HS6ST3: variants seen among roughly 807,000 people sequenced by gnomAD.
HS6ST3 encodes heparan-sulfate 6-O-sulfotransferase 3.
Under a neutral mutation model 36.7 loss-of-function variants are expected in HS6ST3, and 12 were observed. That is an observed-to-expected ratio of 0.33 (90% confidence interval 0.21 to 0.53). HS6ST3 has a LOEUF of 0.53. Ranked by LOEUF, HS6ST3 falls within the 20% of genes least tolerant of loss-of-function variation. The probability of loss-of-function intolerance (pLI) is 0.95; values close to 1 mark genes in which losing one functional copy is unlikely to be tolerated. For synonymous variants in HS6ST3, 240 were observed against 257.5 expected (o/e 0.93, Z 0.65); for missense variants, 584 against 640.9 (o/e 0.91, Z 0.96).
intron 1 of HS6ST3, among the ~76,000 whole-genome samples, chr13:96,360,521 G>A (rs1925106): frequency 0.84 from 127,345 of 151,832 alleles, 53,747 homozygotes; most frequent in South Asian, 0.91. Context: ...ATCACCCACT[G>A]TCAGAAATAG....
chr13:96,160,793 T>C (rs1247060825), intron 1 of HS6ST3, among the ~76,000 whole-genome samples: 3 of 152,230 alleles, frequency 2.0e-5, no homozygotes, highest in Non-Finnish European at 2.9e-5. Flanking sequence ...GGCAGATGGA[T>C]GTACAGGTAC....
intron 1 of HS6ST3, among the ~76,000 whole-genome samples, chr13:96,320,762 G>A (rs1160977833): frequency 6.6e-6 from 1 of 152,214 alleles, no homozygotes; most frequent in Non-Finnish European, 1.5e-5. Context: ...CAGCGTCGGG[G>A]AAGATCAAGA....
At chr13:96,180,567 A>C (rs771094521) in intron 1 of HS6ST3, among the ~76,000 whole-genome samples, 1 of 152,248 alleles carries the variant, frequency 6.6e-6, no homozygotes, top group Non-Finnish European at 1.5e-5. Flanking sequence ...TATCAAAAGA[A>C]TCTTGCAAAC....
intron 1 of HS6ST3, among the ~76,000 whole-genome samples, chr13:96,454,329 G>T (rs1319387643): frequency 3.3e-5 from 5 of 152,256 alleles, no homozygotes. Flanking sequence ...TTTTCAATGT[G>T]AGTATGAGAG....
chr13:96,539,223 G>A (rs1255097155), intron 1 of HS6ST3, among the ~76,000 whole-genome samples: 7 of 152,158 alleles, frequency 4.6e-5, no homozygotes, highest in African/African-American at 7.2e-5. Context: ...GTCAGTTTAT[G>A]TTCTCTCCTA....
At chr13:96,209,247 G>A (rs1365205631) in intron 1 of HS6ST3, among the ~76,000 whole-genome samples, 3 of 152,174 alleles carry the variant, frequency 2.0e-5, no homozygotes, top group Non-Finnish European at 4.4e-5. Flanking sequence ...AGAAGTTGTG[G>A]GTTAGCGGTA....
At chr13:96,240,663 G>A (rs1717659941) in intron 1 of HS6ST3, among the ~76,000 whole-genome samples, 1 of 152,110 alleles carries the variant, frequency 6.6e-6, no homozygotes, top group South Asian at 2.1e-4. Flanking sequence ...TGGCAGAGAT[G>A]GGTCCAGGAG....
intron 1 of HS6ST3, among the ~76,000 whole-genome samples, chr13:96,714,232 A>T (rs1321245895): frequency 6.6e-6 from 1 of 152,202 alleles, no homozygotes; most frequent in Non-Finnish European, 1.5e-5. Flanking sequence ...AAGTAGAAAG[A>T]TAACCTAGAA....
At chr13:96,353,017 G>T (rs1235201922) in intron 1 of HS6ST3, among the ~76,000 whole-genome samples, 1 of 150,752 alleles carries the variant, frequency 6.6e-6, no homozygotes, top group African/African-American at 2.4e-5. Context: ...GTGGAAAGAG[G>T]GTTGAGTGTT....
At position 96,677,348 on chromosome 13, in the gene HS6ST3, T is replaced by A. The variant is rs1254053030; in HGVS notation, c.708-155142T>A. Among the ~76,000 whole-genome samples the A allele has an allele frequency of 2.0e-5, 3 of 152,160 alleles. No individual in the cohort carries two copies. In the East Asian group the frequency reaches 5.8e-4, roughly 29 times the overall value. ...TTACATTCTGATTGGCTTTGTATCC[T>A]TCCACTTTTTGCCAGCAGATATGGT... On this transcript the variant is annotated intron_variant, in intron 1 of 1. Coordinates refer to ENST00000376705, the MANE Select transcript of HS6ST3 (RefSeq NM_153456.4).
At chr13:96,144,318 A>T (rs1266170531) in intron 1 of HS6ST3, among the ~76,000 whole-genome samples, 2 of 152,208 alleles carry the variant, frequency 1.3e-5, no homozygotes, top group African/African-American at 2.4e-5. Flanking sequence ...TGTAAAAAAT[A>T]GTTATTAGAA....
At chr13:96,787,713 G>A (rs558717229) in intron 1 of HS6ST3, among the ~76,000 whole-genome samples, 1 of 151,932 alleles carries the variant, frequency 6.6e-6, no homozygotes, top group African/African-American at 2.4e-5. Flanking sequence ...ACTGTAGCTT[G>A]TCAGTTCTTC....
intron 1 of HS6ST3, among the ~76,000 whole-genome samples, chr13:96,625,098 G>A (rs1004976227): frequency 1.3e-5 from 2 of 152,214 alleles, no homozygotes; most frequent in African/African-American, 4.8e-5. Context: ...CCTGTAGGCT[G>A]TTGGCTTCCT....
At chr13:96,344,879 A>C (rs9554345) in intron 1 of HS6ST3, among the ~76,000 whole-genome samples, 54,923 of 152,022 alleles carry the variant, frequency 0.36, 10,211 homozygotes, top group African/African-American at 0.42. Flanking sequence ...TTATGACATG[A>C]TCTTGTAGCT....
At chr13:96,271,329 T>C (rs1371139553) in intron 1 of HS6ST3, among the ~76,000 whole-genome samples, 1 of 151,942 alleles carries the variant, frequency 6.6e-6, no homozygotes, top group Non-Finnish European at 1.5e-5. Flanking sequence ...GTTTCTCATA[T>C]AATTAATTTA....
chr13:96,608,152 A>G (rs2056445502), intron 1 of HS6ST3, among the ~76,000 whole-genome samples: 1 of 152,262 alleles, frequency 6.6e-6, no homozygotes, highest in South Asian at 2.1e-4. Context: ...TTTGGAAGAT[A>G]ATACGAAACC....
chr13:96,120,429 T>A (rs1051776486), intron 1 of HS6ST3, among the ~76,000 whole-genome samples: 6 of 152,222 alleles, frequency 3.9e-5, no homozygotes, highest in Non-Finnish European at 7.4e-5. Context: ...TTACAATATA[T>A]TAATAACTGA....
At chr13:96,163,381 C>T (rs893281692) in intron 1 of HS6ST3, among the ~76,000 whole-genome samples, 2 of 151,970 alleles carry the variant, frequency 1.3e-5, no homozygotes, top group East Asian at 1.9e-4. Flanking sequence ...AGGCGCCCAC[C>T]ACCATGCCTG....
At chr13:96,495,388 G>GGC (rs35714195) in intron 1 of HS6ST3, among the ~76,000 whole-genome samples, 1 of 152,060 alleles carries the variant, frequency 6.6e-6, no homozygotes, top group Non-Finnish European at 1.5e-5. Context: ...TTTTAAAATA[G>GGC]ACTTCATTAA....
Sources: gnomAD v4.1 joint callset for allele counts (sites outside exome capture counted in the v4.1 genomes callset) on GRCh38, gnomAD v4.1.1 for gene constraint, MANE v1.5 for transcripts, NCBI Gene and HGNC (gene_info 2026-07-23, HGNC 2026-07-21) for gene names.